Variants in CTSC observed in about 807,000 individuals in gnomAD.
CTSC encodes the protein cathepsin C.
Under a neutral mutation model 40.9 loss-of-function variants are expected in CTSC, and 37 were observed. That is an observed-to-expected ratio of 0.91 (90% confidence interval 0.70 to 1.19). The LOEUF (loss-of-function observed/expected upper bound fraction) is 1.19. Ranked by LOEUF, CTSC falls within the 50% of genes most tolerant of loss-of-function variation. CTSC has a pLI of 0.00. For missense variants in CTSC, 594 were observed against 567.3 expected (o/e 1.05, Z -0.48); for synonymous variants, 232 against 207.4 (o/e 1.12, Z -1.02).
chr11:88,336,001 C>T (rs534364223), intron 1 of CTSC, among the ~76,000 whole-genome samples: 5 of 152,070 alleles, frequency 3.3e-5, no homozygotes, highest in Non-Finnish European at 5.9e-5. Context: ...AGGAATGATA[C>T]GTTTAACCTT....
At chr11:88,321,153 T>A in intron 2 of CTSC, 1 of 524,402 alleles carries the variant, frequency 1.9e-6, no homozygotes, top group Non-Finnish European at 2.4e-6. Flanking sequence ...ATTTTAAATT[T>A]TTTAAGTTCC....
At chr11:88,301,810 G>GCACA (rs71046248) in intron 4 of CTSC, among the ~76,000 whole-genome samples, 1,201 of 118,264 alleles carry the variant, frequency 0.01, 7 homozygotes, top group African/African-American at 0.016. Context: ...ACACACGCGC[G>GCACA]CACACACACA....
chr11:88,321,806 T>C (rs922086926), intron 2 of CTSC: 1 of 152,090 alleles, frequency 6.6e-6, no homozygotes, highest in African/African-American at 2.4e-5. Context: ...GCAGTAATGA[T>C]ATTTCTGGTT....
intron 2 of CTSC, among the ~76,000 whole-genome samples, chr11:88,319,378 T>C (rs1486376834): frequency 6.6e-6 from 1 of 152,140 alleles, no homozygotes; most frequent in Non-Finnish European, 1.5e-5. Flanking sequence ...TCTATTAAAA[T>C]TGTCATCCCT....
At chr11:88,330,339 G>A (rs993012260) in intron 2 of CTSC, among the ~76,000 whole-genome samples, 1 of 152,042 alleles carries the variant, frequency 6.6e-6, no homozygotes, top group Non-Finnish European at 1.5e-5. Flanking sequence ...GGAGGATGCT[G>A]AGTAAGAAAA....
chr11:88,324,717 A>G (rs536998224), intron 2 of CTSC: 940 of 985,374 alleles, frequency 9.5e-4, no homozygotes, highest in Non-Finnish European at 1.1e-3. Flanking sequence ...TACCTGCGAT[A>G]TGCAATGGGA....
chr11:88,326,917 G>C (rs1405834045), intron 2 of CTSC, among the ~76,000 whole-genome samples: 6 of 152,074 alleles, frequency 3.9e-5, no homozygotes, highest in Non-Finnish European at 7.3e-5. Context: ...AAAGAGTGAA[G>C]AGTTAAGGAT....
chr11:88,325,080 C>G, intron 2 of CTSC: 1 of 978,896 alleles, frequency 1.0e-6, no homozygotes, highest in Non-Finnish European at 1.2e-6. Flanking sequence ...TCAGGCTTAC[C>G]AAAGCTGAAA....
chr11:88,333,853 T>C lies in CTSC; in HGVS notation c.318+1084A>G, dbSNP rs778433859. Among the ~76,000 whole-genome samples, 62 of 152,260 alleles carry C rather than the reference T, an allele frequency of 4.1e-4. 4 individuals carry two copies. Among genetic ancestry groups the C allele is most frequent in the African/African-American group, 9.6e-5 (4 of 41,578 alleles). On this transcript the variant is annotated intron_variant, in intron 2 of 6. Transcript: ENST00000227266. ...CTGCATATCACACCAGCAAATCCAG[T>C]TGAGGAAAGGCAACCTCTTCCTCTC... is the stretch of plus-strand genomic sequence containing the variant.
intron 2 of CTSC, chr11:88,325,092 A>C (rs1400412828): frequency 2.2e-6 from 2 of 920,076 alleles, no homozygotes; most frequent in Non-Finnish European, 2.5e-6. Flanking sequence ...AAGCTGAAAG[A>C]AGTCAGCTCT....
intron 4 of CTSC, among the ~76,000 whole-genome samples, chr11:88,307,500 T>TCATA (rs775129360): frequency 4.0e-5 from 6 of 151,318 alleles, no homozygotes; most frequent in Non-Finnish European, 7.4e-5. Context: ...ATGGGGCTTA[T>TCATA]GGGTAAAGAT....
intron 5 of CTSC, chr11:88,297,362 G>T (rs1944309932): frequency 6.6e-6 from 1 of 152,200 alleles, no homozygotes; most frequent in Non-Finnish European, 1.5e-5. Flanking sequence ...CAACAGTGAA[G>T]AACACACTGA....
At chr11:88,312,230 G>A (rs1307616542) in intron 3 of CTSC, among the ~76,000 whole-genome samples, 158 bp downstream of exon 3, 2 of 151,920 alleles carry the variant, frequency 1.3e-5, no homozygotes, top group Non-Finnish European at 2.9e-5. Flanking sequence ...CAATAATGTT[G>A]GTCAATTTAT....
intron 2 of CTSC, among the ~76,000 whole-genome samples, chr11:88,313,084 T>C (rs539275467): frequency 6.6e-6 from 1 of 152,274 alleles, no homozygotes. Flanking sequence ...ACTTTTTTTT[T>C]CCAGGGATGG....
chr11:88,328,156 C>T, intron 2 of CTSC: 1 of 1,613,760 alleles, frequency 6.2e-7, no homozygotes, highest in Non-Finnish European at 8.5e-7. Flanking sequence ...CCCCACAGTT[C>T]CCAGCTGCAT....
At chr11:88,334,831 G>T in intron 2 of CTSC, 106 bp downstream of exon 2, 1 of 836,366 alleles carries the variant, frequency 1.2e-6, no homozygotes, top group South Asian at 1.4e-5. Flanking sequence ...TGTCAATTCC[G>T]GTCATCTTCT....
At chr11:88,331,891 C>A (rs138038912) in intron 2 of CTSC, among the ~76,000 whole-genome samples, 103 of 152,180 alleles carry the variant, frequency 6.8e-4, no homozygotes, top group African/African-American at 2.3e-3. Context: ...ATTCTGGTTT[C>A]TGTAACAAGG....
intron 2 of CTSC, chr11:88,325,727 T>TA: frequency 1.0e-6 from 1 of 985,382 alleles, no homozygotes; most frequent in Non-Finnish European, 1.2e-6. Context: ...GTGTTTACGA[T>TA]ACCATCTTTC....
intron 2 of CTSC, among the ~76,000 whole-genome samples, chr11:88,320,230 T>C (rs1937968712): frequency 6.6e-6 from 1 of 152,156 alleles, no homozygotes; most frequent in Non-Finnish European, 1.5e-5. Context: ...GAACTGGAAG[T>C]TTACATGTGA....
Sources: gnomAD v4.1 joint callset for allele counts (sites outside exome capture counted in the v4.1 genomes callset) on GRCh38, gnomAD v4.1.1 for gene constraint, MANE v1.5 for transcripts, NCBI Gene and HGNC (gene_info 2026-07-23, HGNC 2026-07-21) for gene names.